Variants in LRRC4C observed in about 807,000 individuals in gnomAD.
The protein encoded by LRRC4C is leucine rich repeat containing 4C.
LRRC4C carries 5 observed loss-of-function variants against 33.6 expected under a neutral mutation model. The ratio of observed to expected loss-of-function variants is 0.15; its 90% CI spans 0.08 to 0.31. The LOEUF is 0.31. Ranked by LOEUF, LRRC4C falls within the 10% of genes least tolerant of loss-of-function variation. The pLI is 1.00. For missense variants in LRRC4C, 560 were observed against 796.7 expected (o/e 0.70, Z 3.58); for synonymous variants, 329 against 302.0 (o/e 1.09, Z -0.93).
At chr11:40,630,359 C>CTTCTTCTTG (rs1963367400) in intron 3 of LRRC4C, among the ~76,000 whole-genome samples, 1 of 45,502 alleles carries the variant, frequency 2.2e-5, no homozygotes, top group Non-Finnish European at 6.3e-5. Context: ...TCTTCTTCTT[C>CTTCTTCTTG]TTCTTCTTCT....
At chr11:41,293,919 T>C (rs1214445100) in intron 1 of LRRC4C, among the ~76,000 whole-genome samples, 1 of 152,050 alleles carries the variant, frequency 6.6e-6, no homozygotes, top group African/African-American at 2.4e-5. Flanking sequence ...CACAGCAATA[T>C]ATGCATGCTG....
intron 1 of LRRC4C, among the ~76,000 whole-genome samples, chr11:41,166,119 GTATT>G (rs1182711877): frequency 6.6e-6 from 1 of 150,690 alleles, no homozygotes; most frequent in East Asian, 1.9e-4. Context: ...TTTTAAATCT[GTATT>G]TATGTCAAAA....
At chr11:40,325,658 C>T (rs1446005435) in intron 3 of LRRC4C, among the ~76,000 whole-genome samples, 1 of 151,694 alleles carries the variant, frequency 6.6e-6, no homozygotes, top group Non-Finnish European at 1.5e-5. Context: ...ACCATATTTG[C>T]TAGGATTATA....
chr11:41,033,666 AG>A (rs1856856349), intron 1 of LRRC4C, among the ~76,000 whole-genome samples: 1 of 152,098 alleles, frequency 6.6e-6, no homozygotes, highest in Admixed American at 6.6e-5. Context: ...AGTTGTTTTA[AG>A]ACCCGGGGAA....
intron 1 of LRRC4C, among the ~76,000 whole-genome samples, chr11:41,282,836 C>A (rs549522074): frequency 3.3e-5 from 5 of 152,134 alleles, no homozygotes; most frequent in Non-Finnish European, 5.9e-5. Context: ...CACCACTGTG[C>A]AGCTGGGCAG....
chr11:40,481,157 C>A (rs1338851198), intron 3 of LRRC4C, among the ~76,000 whole-genome samples: 1 of 151,242 alleles, frequency 6.6e-6, no homozygotes, highest in Non-Finnish European at 1.5e-5. Context: ...AATGTTAACT[C>A]GTATACTTCA....
At chr11:41,178,996 C>T (rs1245392213) in intron 1 of LRRC4C, among the ~76,000 whole-genome samples, 4 of 152,088 alleles carry the variant, frequency 2.6e-5, no homozygotes, top group South Asian at 4.1e-4. Context: ...CCACCGTGCC[C>T]GGCCAAGAAT....
At chr11:41,208,951 C>T (rs1946708438) in intron 1 of LRRC4C, among the ~76,000 whole-genome samples, 2 of 152,014 alleles carry the variant, frequency 1.3e-5, no homozygotes. Flanking sequence ...GCTGCTGCAA[C>T]CCCCGTGGGT....
intron 4 of LRRC4C, chr11:40,294,212 A>C (rs781037512): frequency 6.6e-6 from 1 of 152,152 alleles, no homozygotes; most frequent in African/African-American, 2.4e-5. Context: ...TTGCATTAAC[A>C]CTTGAAGTCA....
At chr11:41,183,408 A>G (rs1289516272) in intron 1 of LRRC4C, among the ~76,000 whole-genome samples, 1 of 152,146 alleles carries the variant, frequency 6.6e-6, no homozygotes, top group East Asian at 1.9e-4. Flanking sequence ...AGCCACTCCA[A>G]ATGGGAGAAA....
At chr11:40,194,426 C>T (rs1862081862) in intron 5 of LRRC4C, among the ~76,000 whole-genome samples, 1 of 152,180 alleles carries the variant, frequency 6.6e-6, no homozygotes, top group Admixed American at 6.5e-5. Flanking sequence ...ACCACCAGGC[C>T]TGCCTTACAA....
chr11:40,920,067 A>G (rs1289263441), intron 2 of LRRC4C, among the ~76,000 whole-genome samples: 4 of 152,176 alleles, frequency 2.6e-5, no homozygotes, highest in Non-Finnish European at 4.4e-5. Context: ...CTCATGATGC[A>G]ATGCCATTAA....
intron 3 of LRRC4C, among the ~76,000 whole-genome samples, chr11:40,343,609 T>A (rs1946974595): frequency 6.6e-6 from 1 of 150,426 alleles, no homozygotes; most frequent in South Asian, 2.1e-4. Flanking sequence ...ACATACAGTA[T>A]TCAAAACCAT....
intron 2 of LRRC4C, among the ~76,000 whole-genome samples, chr11:40,838,840 C>T (rs767196566): frequency 6.6e-6 from 1 of 151,920 alleles, no homozygotes; most frequent in African/African-American, 2.4e-5. Context: ...TAAGCCATCT[C>T]TTATAATTAT....
At chr11:40,452,924 C>A (rs1052941190) in intron 3 of LRRC4C, among the ~76,000 whole-genome samples, 2 of 151,720 alleles carry the variant, frequency 1.3e-5, no homozygotes, top group East Asian at 3.9e-4. Context: ...AGCAAACTAT[C>A]GCAAGGATAA....
intron 3 of LRRC4C, among the ~76,000 whole-genome samples, chr11:40,356,104 C>T (rs1003283517): frequency 2.4e-4 from 37 of 152,014 alleles, no homozygotes; most frequent in African/African-American, 8.7e-4. Context: ...TTCAGGGTCT[C>T]GGCTGTAAAG....
At chr11:40,581,432 C>T (rs1958459387) in intron 3 of LRRC4C, among the ~76,000 whole-genome samples, 1 of 152,156 alleles carries the variant, frequency 6.6e-6, no homozygotes, top group African/African-American at 2.4e-5. Flanking sequence ...TATTTTAAAC[C>T]TCGCTCATGT....
chr11:41,302,409 T>A (rs565474174), intron 1 of LRRC4C, among the ~76,000 whole-genome samples: 1 of 152,322 alleles, frequency 6.6e-6, no homozygotes, highest in African/African-American at 2.4e-5. Flanking sequence ...CATTGTCTAA[T>A]TAGGTAGTGA....
chr11:41,048,684 G>T (rs920639992), intron 1 of LRRC4C, among the ~76,000 whole-genome samples: 1 of 152,056 alleles, frequency 6.6e-6, no homozygotes, highest in African/African-American at 2.4e-5. Context: ...ATCTCAGAAA[G>T]CTCCAAGTAT....
Sources: gnomAD v4.1 joint callset for allele counts (sites outside exome capture counted in the v4.1 genomes callset) on GRCh38, gnomAD v4.1.1 for gene constraint, MANE v1.5 for transcripts, NCBI Gene and HGNC (gene_info 2026-07-23, HGNC 2026-07-21) for gene names.